Variants in LARGE1 observed in about 807,000 individuals in gnomAD.
LARGE1 encodes LARGE xylosyl- and glucuronyltransferase 1.
LARGE1 carries 43 observed loss-of-function variants against 87.6 expected under a neutral mutation model. The ratio of observed to expected loss-of-function variants is 0.49; its 90% CI spans 0.38 to 0.63. The LOEUF (loss-of-function observed/expected upper bound fraction) is 0.63. Among genes scored for constraint, LARGE1 ranks in the 30% least tolerant of loss-of-function variants. LARGE1 has a pLI of 0.00. For synonymous variants in LARGE1, 434 were observed against 394.6 expected (o/e 1.10, Z -1.18); for missense variants, 802 against 1,000.2 (o/e 0.80, Z 2.67).
At chr22:33,856,063 G>C (rs138271906) in intron 1 of LARGE1, among the ~76,000 whole-genome samples, 91 of 152,340 alleles carry the variant, frequency 6.0e-4, no homozygotes, top group African/African-American at 2.1e-3. Flanking sequence ...GCACCTGGGC[G>C]ATGACTATGT....
At chr22:33,347,405 T>C (rs1408384593) in intron 9 of LARGE1, among the ~76,000 whole-genome samples, 1 of 152,196 alleles carries the variant, frequency 6.6e-6, no homozygotes, top group African/African-American at 2.4e-5. Flanking sequence ...AGAATGGAAA[T>C]CATGATGATG....
In LARGE1 at chr22:33,214,612, C is replaced by T. The variant is rs117170647; in HGVS notation, c.1731-47780G>A. On this transcript the variant is annotated intron_variant, in intron 11 of 11. Transcript: ENST00000608642. ...GGCCCTTTACAAAGCTGTGGCCAGT[C>T]GCCAGCACACTCTTCTATCTGCTCT... is the stretch of plus-strand genomic sequence containing the variant. 8.4e-4 allele frequency among the ~76,000 whole-genome samples: 128 copies of T among 152,072 alleles called. 1 individual carries two copies. The highest frequency in any genetic ancestry group is 1.6e-3 in the Non-Finnish European group (109 of 67,986).
chr22:33,745,640 C>T (rs2084052486), intron 2 of LARGE1, among the ~76,000 whole-genome samples: 1 of 152,184 alleles, frequency 6.6e-6, no homozygotes, highest in Admixed American at 6.5e-5. Context: ...AAGGCGAGGG[C>T]CCGGTTCTCG....
chr22:33,801,255 G>A (rs953548356), intron 1 of LARGE1, among the ~76,000 whole-genome samples: 19 of 152,042 alleles, frequency 1.2e-4, no homozygotes, highest in African/African-American at 3.4e-4. Flanking sequence ...TTTATCAGCC[G>A]CATGAAAATG....
intron 2 of LARGE1, among the ~76,000 whole-genome samples, chr22:33,669,761 A>G (rs2081358754): frequency 6.6e-6 from 1 of 152,234 alleles, no homozygotes; most frequent in Admixed American, 6.5e-5. Flanking sequence ...GCAATATGCC[A>G]GGAGTCTGAG....
chr22:33,397,193 G>A (rs889128395), intron 7 of LARGE1, among the ~76,000 whole-genome samples: 5 of 151,768 alleles, frequency 3.3e-5, no homozygotes, highest in Non-Finnish European at 5.9e-5. Context: ...TCTTTTCACC[G>A]CAACCTCTGC....
intron 7 of LARGE1, among the ~76,000 whole-genome samples, chr22:33,395,660 C>A (rs2065715674): frequency 6.6e-6 from 1 of 152,136 alleles, no homozygotes; most frequent in Admixed American, 6.5e-5. Flanking sequence ...AGACCACATA[C>A]CTCCTTGGCT....
Position 33,304,241 on chromosome 22 carries a change from T to G in LARGE1, c.1718A>C (p.Tyr573Ser). ...TGCAGGTCCTTACCTGAGGTACTCA[T>G]AGAGCCCATACATGGGCAGGAAGTC... ...DIDFLPMYGL[Y>S]EYLRKSVIQL... Residue 573 changes from tyrosine to serine, a missense_variant, in exon 12 of 15, where the codon TAT becomes TCT. By Grantham distance (144) the Tyr-to-Ser change is moderately radical. Transcript: ENST00000397394. 6.2e-7 allele frequency: 1 copy of G among 1,614,220 alleles called. No homozygotes were observed. The highest frequency in any genetic ancestry group is 8.5e-7 in the Non-Finnish European group (1 of 1,180,044).
intron 9 of LARGE1, among the ~76,000 whole-genome samples, chr22:33,380,614 G>T (rs779281917): frequency 1.3e-5 from 2 of 152,164 alleles, no homozygotes; most frequent in African/African-American, 4.8e-5. Flanking sequence ...CTTATGATAT[G>T]CAACAAATGA....
chr22:33,107,111 G>A, the LARGE1 span, among the ~76,000 whole-genome samples: 1 of 152,198 alleles, frequency 6.6e-6, no homozygotes, highest in South Asian at 2.1e-4. Context: ...CATTACTGAA[G>A]AGTTCAGGTC....
intron 7 of LARGE1, among the ~76,000 whole-genome samples, chr22:33,387,124 C>CA (rs2065350901): frequency 6.8e-6 from 1 of 146,102 alleles, no homozygotes; most frequent in Non-Finnish European, 1.5e-5. Context: ...AAACAAAAAA[C>CA]AAAAAACAAA....
At chr22:33,607,061 G>A (rs1369392083) in intron 4 of LARGE1, among the ~76,000 whole-genome samples, 2 of 152,148 alleles carry the variant, frequency 1.3e-5, no homozygotes, top group African/African-American at 4.8e-5. Flanking sequence ...AAGAGAGTAG[G>A]AGTTGAATCA....
At chr22:33,164,499 GT>G (rs11337549) in exon 12 of LARGE1, 95,141 of 148,004 alleles carry the variant, frequency 0.64, 30,901 homozygotes, top group African/African-American at 0.78. Flanking sequence ...GTAAGATTTT[GT>G]TTTTTTTTTT....
chr22:33,458,927 G>T (rs955489325), intron 6 of LARGE1, among the ~76,000 whole-genome samples: 1 of 151,924 alleles, frequency 6.6e-6, no homozygotes, highest in Non-Finnish European at 1.5e-5. Flanking sequence ...AAACAGAAAT[G>T]TCCACTAGAT....
intron 11 of LARGE1, among the ~76,000 whole-genome samples, chr22:33,215,905 G>A (rs1197439325): frequency 3.3e-5 from 5 of 152,070 alleles, no homozygotes; most frequent in Non-Finnish European, 5.9e-5. Context: ...GCAGTGAGCC[G>A]AGATCATACC....
At chr22:33,627,070 C>CA (rs2079944269) in intron 3 of LARGE1, among the ~76,000 whole-genome samples, 1 of 152,106 alleles carries the variant, frequency 6.6e-6, no homozygotes, top group African/African-American at 2.4e-5. Context: ...CCAATGATAC[C>CA]AAAAAAGGTC....
At chr22:33,109,246 A>G in the LARGE1 span, 1 of 152,046 alleles carries the variant, frequency 6.6e-6, no homozygotes, top group African/African-American at 2.4e-5. Flanking sequence ...TTGGTTGCTA[A>G]AGTTGGGGCT....
At chr22:33,616,086 A>G (rs1418645108) in intron 4 of LARGE1, among the ~76,000 whole-genome samples, 1 of 152,254 alleles carries the variant, frequency 6.6e-6, no homozygotes, top group East Asian at 1.9e-4. Context: ...AGCAGCTGGT[A>G]GGAGAAACAG....
At chr22:33,820,198 A>G (rs1159567713) in intron 1 of LARGE1, among the ~76,000 whole-genome samples, 1 of 152,240 alleles carries the variant, frequency 6.6e-6, no homozygotes, top group Non-Finnish European at 1.5e-5. Flanking sequence ...TGCTGATTAA[A>G]TAATGAAAAT....
Sources: allele counts gnomAD v4.1 joint callset (sites outside exome capture counted in the v4.1 genomes callset), GRCh38; gene constraint gnomAD v4.1.1; transcripts MANE v1.5; gene names NCBI Gene and HGNC (gene_info 2026-07-23, HGNC 2026-07-21).